The following TBL1XR1 variants were observed in gnomAD, a reference collection of about 807,000 sequenced individuals.
The protein encoded by TBL1XR1 is TBL1X/Y related 1.
A neutral mutation model predicts 66.9 loss-of-function variants in TBL1XR1; 5 were observed. The ratio of observed to expected loss-of-function variants is 0.07; its 90% CI spans 0.04 to 0.16. The LOEUF (loss-of-function observed/expected upper bound fraction) is 0.16, where lower values mean the gene tolerates loss of function less well. TBL1XR1 is among the 10% of genes least tolerant of loss of function. The pLI, the probability that TBL1XR1 is intolerant of heterozygous loss-of-function variation, is 1.00. For synonymous variants in TBL1XR1, 210 were observed against 206.0 expected (o/e 1.02, Z -0.17); for missense variants, 238 against 623.2 (o/e 0.38, Z 6.58).
intron 1 of TBL1XR1, among the ~76,000 whole-genome samples, chr3:177,128,617 G>A (rs1010030377): frequency 6.6e-6 from 1 of 152,126 alleles, no homozygotes; most frequent in African/African-American, 2.4e-5. Flanking sequence ...CAAGCAATCT[G>A]CCCCCGTCGT....
intron 1 of TBL1XR1, among the ~76,000 whole-genome samples, chr3:177,110,508 T>C (rs1725421245): frequency 6.6e-6 from 1 of 152,214 alleles, no homozygotes; most frequent in African/African-American, 2.4e-5. Flanking sequence ...TGGTTTTTTT[T>C]TCCCTACTGT....
chr3:177,115,743 A>T lies in TBL1XR1; in HGVS notation c.-121-17202T>A, dbSNP rs537028905. ...TTGATTTTTTTAGTTTTGAAGCAAG[A>T]AGTAGTAATGGGTTTCTTTGTTGAG... On this transcript the variant is annotated intron_variant, in intron 1 of 15. Transcript: ENST00000457928. Among the ~76,000 whole-genome samples the T allele has an allele frequency of 9.8e-5, 15 of 152,328 alleles. 1 individual carries two copies. Among genetic ancestry groups the T allele is most frequent in the South Asian group, 6.2e-4 (3 of 4,824 alleles).
intron 2 of TBL1XR1, chr3:177,078,640 C>G (rs1720999071): frequency 6.6e-6 from 1 of 151,610 alleles, no homozygotes; most frequent in Admixed American, 6.6e-5. Context: ...ACAGTTTTGC[C>G]TTGATTAAAA....
chr3:177,155,659 A>C (rs988795881), intron 1 of TBL1XR1, among the ~76,000 whole-genome samples: 2 of 152,244 alleles, frequency 1.3e-5, no homozygotes, highest in African/African-American at 4.8e-5. Context: ...TACGAAAACA[A>C]CTGAATAGTC....
At chr3:177,038,076 T>G in intron 12 of TBL1XR1, 22 bp downstream of exon 12, 1 of 1,610,304 alleles carries the variant, frequency 6.2e-7, no homozygotes, top group Non-Finnish European at 8.5e-7. Context: ...GCCAACCCAT[T>G]TCTCCCTACT....
intron 1 of TBL1XR1, among the ~76,000 whole-genome samples, chr3:177,106,545 G>A (rs181564953): frequency 1.3e-3 from 194 of 152,256 alleles, no homozygotes; most frequent in African/African-American, 4.5e-3. Flanking sequence ...CCACACAGGT[G>A]GGTTTGGACT....
At chr3:177,123,964 A>G (rs1312742269) in intron 1 of TBL1XR1, among the ~76,000 whole-genome samples, 1 of 152,032 alleles carries the variant, frequency 6.6e-6, no homozygotes, top group Admixed American at 6.6e-5. Context: ...AACCACAACA[A>G]TGCACAAATT....
At chr3:177,026,086 C>A in intron 15 of TBL1XR1, 1 of 408,032 alleles carries the variant, frequency 2.5e-6, no homozygotes, top group Non-Finnish European at 4.3e-6. Context: ...CATTTCAATC[C>A]TTCTCAGAAT....
At chr3:177,107,876 A>C (rs1725076465) in intron 1 of TBL1XR1, among the ~76,000 whole-genome samples, 1 of 152,162 alleles carries the variant, frequency 6.6e-6, no homozygotes, top group Non-Finnish European at 1.5e-5. Flanking sequence ...TCTAAGGCAA[A>C]CTATGGCCAG....
chr3:177,119,769 C>T (rs766502551), intron 1 of TBL1XR1, among the ~76,000 whole-genome samples: 4 of 152,216 alleles, frequency 2.6e-5, no homozygotes, highest in Non-Finnish European at 4.4e-5. Flanking sequence ...ATCAACCACA[C>T]GACACGAAGA....
At position 177,020,405 on chromosome 3, in the gene TBL1XR1, A is replaced by G. The variant is rs1440223630; in HGVS notation, c.*5093T>C. The G allele has an allele frequency of 6.6e-6, 1 of 152,208 alleles. No homozygotes were observed. The highest frequency in any genetic ancestry group is 6.5e-5 in the Admixed American group (1 of 15,270). 9.4% of individuals were successfully genotyped at this position (152,208 alleles called of 1,614,324 possible). On this transcript the variant is annotated 3_prime_UTR_variant, in exon 16 of 16. Coordinates refer to ENST00000457928, the MANE Select transcript of TBL1XR1 (RefSeq NM_024665.7). ...GTAAATAACCCCTTCATTTAAAAAA[A>G]TCTTATCTCCTGCAAGAAGTAATAA...
Position 177,021,708 on chromosome 3 carries a change from T to C in TBL1XR1, c.*3790A>G, listed in dbSNP as rs1330207188. 2 of 152,600 alleles carry C rather than the reference T, an allele frequency of 1.3e-5. No homozygotes were observed. Among genetic ancestry groups the C allele is most frequent in the Admixed American group, 1.3e-4 (2 of 15,272 alleles). 9.5% of individuals were successfully genotyped at this position (152,600 alleles called of 1,614,324 possible). A position where few individuals can be genotyped will look rare whatever the true frequency, so the allele number is the denominator to read the frequency against. ...ACGAAAAACCAACCAGGGTCTCTTG[T>C]AGATTTGCTGCTATTCCACAAAATG... On this transcript the variant is annotated 3_prime_UTR_variant, in exon 16 of 16. Transcript: ENST00000457928.
At chr3:177,105,659 T>TCCTA (rs1724790777) in intron 1 of TBL1XR1, among the ~76,000 whole-genome samples, 1 of 152,214 alleles carries the variant, frequency 6.6e-6, no homozygotes, top group Non-Finnish European at 1.5e-5. Flanking sequence ...ATTAGCTCTG[T>TCCTA]CCTACAGAAA....
chr3:177,144,435 C>T (rs1454980603), intron 1 of TBL1XR1, among the ~76,000 whole-genome samples: 2 of 152,094 alleles, frequency 1.3e-5, no homozygotes, highest in Admixed American at 1.3e-4. Flanking sequence ...TGCAACTACT[C>T]AACTGTGTAG....
intron 1 of TBL1XR1, among the ~76,000 whole-genome samples, chr3:177,164,531 G>A (rs1411038093): frequency 6.6e-6 from 1 of 152,028 alleles, no homozygotes; most frequent in East Asian, 1.9e-4. Flanking sequence ...TGTATTTTCA[G>A]TAGAGATGGG....
chr3:177,143,914 G>A (rs1729933436), intron 1 of TBL1XR1, among the ~76,000 whole-genome samples: 1 of 152,210 alleles, frequency 6.6e-6, no homozygotes, highest in Non-Finnish European at 1.5e-5. Context: ...TACGAGGACA[G>A]TGGAGTGGGG....
intron 4 of TBL1XR1, among the ~76,000 whole-genome samples, 178 bp downstream of exon 4, chr3:177,053,595 A>G (rs150388344): frequency 1.6e-4 from 25 of 152,338 alleles, no homozygotes; most frequent in South Asian, 4.1e-4. Context: ...AATGGTCCTT[A>G]CAACTAGGCG....
chr3:177,177,602 T>C (rs999922545), intron 1 of TBL1XR1, among the ~76,000 whole-genome samples: 1 of 152,240 alleles, frequency 6.6e-6, no homozygotes, highest in Non-Finnish European at 1.5e-5. Flanking sequence ...CACTCACATA[T>C]GTCCCTGGGC....
chr3:177,105,915 T>G (rs933570950), intron 1 of TBL1XR1, among the ~76,000 whole-genome samples: 1 of 151,812 alleles, frequency 6.6e-6, no homozygotes, highest in Non-Finnish European at 1.5e-5. Context: ...GGCAGGAGAG[T>G]CGCTTCTTTC....
Sources: gnomAD v4.1 joint callset for allele counts (sites outside exome capture counted in the v4.1 genomes callset) on GRCh38, gnomAD v4.1.1 for gene constraint, MANE v1.5 for transcripts, NCBI Gene and HGNC (gene_info 2026-07-23, HGNC 2026-07-21) for gene names.